Variants in ERAP2 observed in about 807,000 individuals in gnomAD.
The protein encoded by ERAP2 is leukocyte-derived arginine aminopeptidase.
ERAP2 carries 118 observed loss-of-function variants against 111.1 expected under a neutral mutation model. That is an observed-to-expected ratio of 1.06 (90% CI 0.92 to 1.24). The LOEUF is 1.24. ERAP2 is among the 50% of genes most tolerant of loss of function. The pLI is 0.00. For synonymous variants in ERAP2, 410 were observed against 401.2 expected (o/e 1.02, Z -0.26); for missense variants, 1,131 against 1,125.8 (o/e 1.00, Z -0.07).
In ERAP2 at chr5:96,912,194, AAAAAAAAAAAG is replaced by A. The variant is rs1338032535; in HGVS notation, c.2355-438_2355-428del. On this transcript the variant is annotated intron_variant, in intron 15 of 18. Transcript: ENST00000437043. ...CGACAGTGAGACTCCACCTCAAAAA[AAAAAAAAAAAG>A]AAAAGAAAAGAAAAAAATGCCTTCA... is the stretch of plus-strand genomic sequence containing the variant. Among the ~76,000 whole-genome samples the A allele has an allele frequency of 1.8e-3, 270 of 150,506 alleles. 3 individuals carry two copies. Among genetic ancestry groups the A allele is most frequent in the South Asian group, 0.014 (68 of 4,778 alleles).
At position 96,913,332 on chromosome 5, in the gene ERAP2, A is replaced by C; in HGVS notation, c.2532A>C (p.Gly844=). 1 of 1,614,044 alleles carries C rather than the reference A, an allele frequency of 6.2e-7. No individual in the cohort carries two copies. Among genetic ancestry groups the C allele is most frequent in the South Asian group, 1.1e-5 (1 of 91,074 alleles). The change falls in exon 17 of 19, where the codon GGA becomes GGC. Residue 844 remains glycine (G), a synonymous_variant. Transcript: ENST00000437043. ...QEKLLKLIEL[G]MEGKVIKTQN... ...CTTTCTTCAGGTTAATTGAACTAGG[A>C]ATGGAAGGAAAGGTTATCAAGACAC...
intron 13 of ERAP2, among the ~76,000 whole-genome samples, chr5:96,908,728 G>A (rs1377071727): frequency 6.6e-6 from 1 of 152,108 alleles, no homozygotes; most frequent in Non-Finnish European, 1.5e-5. Context: ...AAGCCTATGA[G>A]GAAGATAGTA....
chr5:96,900,391 G>A, intron 10 of ERAP2: 1 of 836,598 alleles, frequency 1.2e-6, no homozygotes, highest in Non-Finnish European at 1.7e-6. Context: ...TATTTTTGTT[G>A]TTATAGTTCG....
At chr5:96,901,786 C>A in intron 11 of ERAP2, 105 bp downstream of exon 11, 1 of 1,164,910 alleles carries the variant, frequency 8.6e-7, no homozygotes, top group Non-Finnish European at 1.2e-6. Context: ...ATGCTAGTTC[C>A]ATATAAGAAT....
chr5:96,883,487 T>C (rs915857672), intron 2 of ERAP2, among the ~76,000 whole-genome samples: 8 of 152,250 alleles, frequency 5.3e-5, no homozygotes, highest in Non-Finnish European at 5.9e-5. Flanking sequence ...TTCAGTCATT[T>C]ACTGGCTGCG....
rs1194988639 is a variant in ERAP2 at position 96,892,219 on chromosome 5, T to A, written c.971-80T>A. ...CTGCTTAAATATGCTTAAAGGATCATAGTGTATTTGAGCAGAGAGCAAATT... is the reference window on the plus strand; with the variant it reads ...CTGCTTAAATATGCTTAAAGGATCAAAGTGTATTTGAGCAGAGAGCAAATT... On this transcript the variant is annotated intron_variant, in intron 5 of 18. Transcript: ENST00000437043. 3 of 1,386,340 alleles carry A rather than the reference T, an allele frequency of 2.2e-6. No homozygotes were observed. The African/African-American group carries it at 4.3e-5, about 20-fold the overall frequency. The allele number at this position is 1,386,340 out of a possible 1,614,324, so 85.9% of individuals were successfully genotyped here. A position where few individuals can be genotyped will look rare whatever the true frequency, so the allele number is the denominator to read the frequency against.
intron 12 of ERAP2, 48 bp from the exon 13 acceptor site, chr5:96,903,329 A>G (rs1785685784): frequency 7.0e-7 from 1 of 1,433,030 alleles, no homozygotes; most frequent in Admixed American, 2.2e-5. Flanking sequence ...AGATGTTCTG[A>G]ATAAGTTTGT....
At chr5:96,882,137 A>G (rs1452241719) in intron 2 of ERAP2, among the ~76,000 whole-genome samples, 2 of 152,194 alleles carry the variant, frequency 1.3e-5, no homozygotes, top group African/African-American at 4.8e-5. Context: ...CATTGCAGCC[A>G]CAATCCTCAG....
At chr5:96,890,715 A>T (rs1183809774) in intron 5 of ERAP2, among the ~76,000 whole-genome samples, 1 of 152,150 alleles carries the variant, frequency 6.6e-6, no homozygotes, top group Non-Finnish European at 1.5e-5. Flanking sequence ...TTCCAGGCTT[A>T]AAAAAATTAA....
At chr5:96,914,676 T>C (rs1048571358) in intron 17 of ERAP2, among the ~76,000 whole-genome samples, 2 of 152,188 alleles carry the variant, frequency 1.3e-5, no homozygotes, top group Non-Finnish European at 2.9e-5. Flanking sequence ...TTTATCAACA[T>C]GAATCACTTT....
rs1786423147 is a variant in ERAP2 at position 96,909,116 on chromosome 5, A to G, written c.2168A>G (p.Lys723Arg). 6.2e-7 allele frequency: 1 copy of G among 1,613,892 alleles called. No individual in the cohort carries two copies. The highest frequency in any genetic ancestry group is 8.5e-7 in the Non-Finnish European group (1 of 1,179,836). ...ATTTCAGATATCTCTGAAAACCTCAAGGTTTGTGTTGCTTTTAGAAAATGT... is the reference window on the plus strand; with the variant it reads ...ATTTCAGATATCTCTGAAAACCTCAGGGTTTGTGTTGCTTTTAGAAAATGT... ...RNISDISENL[K>R]RYLLQYFKPV... The change falls in exon 14 of 19, where the codon AAG becomes AGG. Residue 723 changes from lysine to arginine, a missense_variant and splice_region_variant. By Grantham distance (26) the Lys-to-Arg change is conservative. This residue lies in a region of ERAP2 where 847 missense variants were observed against 856.5 expected (regional missense o/e 0.99). Transcript: ENST00000437043.
intron 13 of ERAP2, among the ~76,000 whole-genome samples, chr5:96,906,348 C>T (rs1786082664): frequency 1.3e-5 from 2 of 152,124 alleles, no homozygotes; most frequent in African/African-American, 4.8e-5. Flanking sequence ...CTCACTGCAG[C>T]CTCAACCTCC....
At chr5:96,911,442 G>A (rs2112367251) in intron 15 of ERAP2, among the ~76,000 whole-genome samples, 1 of 152,278 alleles carries the variant, frequency 6.6e-6, no homozygotes, top group Admixed American at 6.5e-5. Context: ...AATCAAAATA[G>A]TGGTGTCTTT....
At chr5:96,910,264 C>CAA (rs11455840) in intron 15 of ERAP2, 5,813 of 134,676 alleles carry the variant, frequency 0.043, 361 homozygotes, top group African/African-American at 0.15. Flanking sequence ...GGCCCTGTCT[C>CAA]AAAAAAAAAA....
At chr5:96,900,235 C>A in intron 10 of ERAP2, 46 bp downstream of exon 10, 1 of 1,610,858 alleles carries the variant, frequency 6.2e-7, no homozygotes, top group Non-Finnish European at 8.5e-7. Flanking sequence ...TGTGGAATAG[C>A]CTGACCTAGA....
rs924209695 is a variant in ERAP2, at chr5:96,909,728, T to C, written c.2318T>C (p.Leu773Pro). Residue 773 changes from leucine (L) to proline (P), a missense_variant, in exon 15 of 19, where the codon CTC (leucine) becomes CCC (proline). This residue lies in a region of ERAP2 where 279 missense variants were observed against 250.9 expected (regional missense o/e 1.11). Coordinates refer to ENST00000437043, the MANE Select transcript of ERAP2 (RefSeq NM_022350.5). Reference sequence around the variant, plus strand: ...CCTTGCATCCAGAAAGCTGCTGAACTCTTCTCCCAGTGGATGGAATCCAGT... The same window carrying C: ...CCTTGCATCCAGAAAGCTGCTGAACCCTTCTCCCAGTGGATGGAATCCAGT... ...HAPCIQKAAE[L>P]FSQWMESSGK... is the part of the protein sequence containing the mutation. 6.2e-7 allele frequency: 1 copy of C among 1,614,188 alleles called. No individual in the cohort carries two copies. Among genetic ancestry groups the C allele is most frequent in the Admixed American group, 1.7e-5 (1 of 60,022 alleles).
At chr5:96,892,265 A>G (rs187647551) in intron 5 of ERAP2, 34 bp from the exon 6 acceptor site, 338 of 1,609,836 alleles carry the variant, frequency 2.1e-4, no homozygotes, top group Non-Finnish European at 2.7e-4. Context: ...TGTGGGAGCC[A>G]TAAAACTCAA....
chr5:96,913,899 T>TG (rs1270511876), intron 17 of ERAP2, among the ~76,000 whole-genome samples: 28 of 152,302 alleles, frequency 1.8e-4, no homozygotes, highest in African/African-American at 5.8e-4. Flanking sequence ...CTAGAGCCCC[T>TG]GTGGAGGTGG....
chr5:96,908,914 A>G (rs1039262854), intron 13 of ERAP2, 47 bp from the exon 14 acceptor site: 5 of 1,542,632 alleles, frequency 3.2e-6, no homozygotes, highest in Non-Finnish European at 4.4e-6. Context: ...AAAATATTAA[A>G]AACTATAAGA....
Sources: gnomAD v4.1 joint callset for allele counts (sites outside exome capture counted in the v4.1 genomes callset) on GRCh38, gnomAD v4.1.1 for gene constraint, gnomAD v4.1.1 regional missense constraint, MANE v1.5 for transcripts, NCBI Gene and HGNC (gene_info 2026-07-23, HGNC 2026-07-21) for gene names.